VPS53: variants seen among roughly 807,000 people sequenced by gnomAD.
The protein encoded by VPS53 is VPS53 subunit of GARP complex.
VPS53 carries 70 observed loss-of-function variants against 107.0 expected under a neutral mutation model. The ratio of observed to expected loss-of-function variants is 0.65; its 90% CI spans 0.54 to 0.80. VPS53 has a LOEUF of 0.80. VPS53 is among the 30% of genes least tolerant of loss of function. VPS53 has a pLI of 0.00. For missense variants in VPS53, 917 were observed against 1,049.4 expected (o/e 0.87, Z 1.74); for synonymous variants, 409 against 393.3 (o/e 1.04, Z -0.47).
chr17:543,113 T>A (rs1910833496), intron 17 of VPS53, among the ~76,000 whole-genome samples: 1 of 152,238 alleles, frequency 6.6e-6, no homozygotes, highest in African/African-American at 2.4e-5. Flanking sequence ...AGTCATGGCT[T>A]TCTGTGGGCC....
At chr17:598,611 C>A (rs1033594419) in intron 12 of VPS53, among the ~76,000 whole-genome samples, 1 of 148,602 alleles carries the variant, frequency 6.7e-6, no homozygotes, top group African/African-American at 2.5e-5. Context: ...CTCTGCCCTG[C>A]CGCCCCGTCT....
At chr17:617,565 CTAA>C (rs1335398932) in intron 11 of VPS53, among the ~76,000 whole-genome samples, 1 of 152,050 alleles carries the variant, frequency 6.6e-6, no homozygotes, top group East Asian at 1.9e-4. Context: ...CCACGCCCCA[CTAA>C]TATTTCCCGG....
chr17:551,030 G>GT (rs1911770452), intron 17 of VPS53, among the ~76,000 whole-genome samples: 1 of 152,008 alleles, frequency 6.6e-6, no homozygotes, highest in East Asian at 1.9e-4. Context: ...CCACACCAAG[G>GT]TTTTTAGCAT....
intron 13 of VPS53, among the ~76,000 whole-genome samples, chr17:572,317 G>A (rs1597321722): frequency 2.1e-5 from 3 of 145,050 alleles, no homozygotes; most frequent in East Asian, 2.0e-4. Context: ...CAACCGCCCC[G>A]TCTGAGAAGT....
Position 517,309 on chromosome 17 carries a change from G to C in VPS53, c.*1819C>G. 2.5e-6 allele frequency: 1 copy of C among 396,166 alleles called. No individual in the cohort carries two copies. Among genetic ancestry groups the C allele is most frequent in the Non-Finnish European group, 4.4e-6 (1 of 224,732 alleles). The allele number at this position is 396,166 out of a possible 1,614,324, so 24.5% of individuals were successfully genotyped here. On this transcript the variant is annotated 3_prime_UTR_variant, in exon 22 of 22. Transcript: ENST00000437048. ...GCGTGAGAGTCAAACCAGCTAGCAA[G>C]GACAGCCTGGAAGCCGATGAAGAAA...
chr17:670,679 T>A (rs1233015558), intron 4 of VPS53, among the ~76,000 whole-genome samples: 1 of 152,244 alleles, frequency 6.6e-6, no homozygotes, highest in East Asian at 1.9e-4. Context: ...CAGAGAATGA[T>A]GCTGCCTTTA....
At chr17:546,603 T>C (rs989754055) in intron 17 of VPS53, among the ~76,000 whole-genome samples, 2 of 152,082 alleles carry the variant, frequency 1.3e-5, no homozygotes, top group Admixed American at 6.5e-5. Flanking sequence ...GCCAGTAGCA[T>C]CTGAGAAGGT....
intron 14 of VPS53, among the ~76,000 whole-genome samples, chr17:561,028 G>A (rs1400582547): frequency 6.6e-6 from 1 of 152,112 alleles, no homozygotes; most frequent in African/African-American, 2.4e-5. Context: ...GAACTCATGT[G>A]TGTTTGTGGA....
At chr17:677,386 A>G (rs1972211636) in intron 4 of VPS53, among the ~76,000 whole-genome samples, 1 of 152,238 alleles carries the variant, frequency 6.6e-6, no homozygotes, top group Non-Finnish European at 1.5e-5. Flanking sequence ...ATATTAATAT[A>G]AAGTTCCCAG....
chr17:702,271 T>C (rs552833898), intron 2 of VPS53, among the ~76,000 whole-genome samples: 8 of 152,250 alleles, frequency 5.3e-5, no homozygotes, highest in African/African-American at 1.9e-4. Flanking sequence ...AGAAGACTGA[T>C]TGAGTCTGTA....
Position 601,542 on chromosome 17 carries a change from C to G in VPS53, c.1218+253G>C, listed in dbSNP as rs550881308. On this transcript the variant is annotated intron_variant, in intron 12 of 21. Transcript: ENST00000437048. ...AGGCAGAGCAGAACTCTCCTGGCCC[C>G]ACCACAGTGGCTAATGAAGCTTGTG... is the stretch of plus-strand genomic sequence containing the variant. 2.1e-3 allele frequency among the ~76,000 whole-genome samples: 326 copies of G among 152,332 alleles called. 2 individuals are homozygous for G. Among genetic ancestry groups the G allele is most frequent in the African/African-American group, 7.5e-3 (312 of 41,574 alleles).
intron 19 of VPS53, among the ~76,000 whole-genome samples, chr17:531,051 A>G (rs1909498762): frequency 6.6e-6 from 1 of 152,224 alleles, no homozygotes; most frequent in South Asian, 2.1e-4. Flanking sequence ...CCACTACTGG[A>G]GGCAGCGTCT....
intron 19 of VPS53, among the ~76,000 whole-genome samples, chr17:522,072 G>A (rs913196765): frequency 1.3e-5 from 2 of 152,178 alleles, no homozygotes; most frequent in East Asian, 3.9e-4. Flanking sequence ...TGGGCAACAT[G>A]GCAAAACCCC....
chr17:563,282 A>G (rs1405744770), intron 13 of VPS53, among the ~76,000 whole-genome samples: 3 of 128,756 alleles, frequency 2.3e-5, no homozygotes, highest in Non-Finnish European at 4.9e-5. Context: ...ACTGAACTTC[A>G]TTTCCTTTTT....
At chr17:672,063 C>G (rs946774190) in intron 4 of VPS53, among the ~76,000 whole-genome samples, 6 of 147,970 alleles carry the variant, frequency 4.1e-5, no homozygotes, top group African/African-American at 1.2e-4. Context: ...AGCTAGGTTC[C>G]CCAGGAAGGG....
At chr17:609,250 A>G (rs1484186601) in intron 11 of VPS53, among the ~76,000 whole-genome samples, 1 of 152,170 alleles carries the variant, frequency 6.6e-6, no homozygotes, top group Non-Finnish European at 1.5e-5. Flanking sequence ...GAATCATATA[A>G]TGTGTGACAT....
chr17:530,620 TCAA>T (rs1377266192), intron 19 of VPS53, among the ~76,000 whole-genome samples: 3 of 152,358 alleles, frequency 2.0e-5, no homozygotes, highest in Admixed American at 6.5e-5. Flanking sequence ...AGCCAGGACT[TCAA>T]CAACAACGTG....
chr17:545,657 A>C (rs749894087), intron 17 of VPS53, among the ~76,000 whole-genome samples: 53 of 152,076 alleles, frequency 3.5e-4, no homozygotes, highest in Non-Finnish European at 6.5e-4. Flanking sequence ...CTCCCTCTTT[A>C]CCTTCAAAGT....
At chr17:644,306 TAC>T (rs907776070) in intron 7 of VPS53, among the ~76,000 whole-genome samples, 2 of 152,206 alleles carry the variant, frequency 1.3e-5, no homozygotes, top group Non-Finnish European at 2.9e-5. Context: ...TTCTACACTT[TAC>T]AGACAGCAAG....
Sources: gnomAD v4.1 joint callset for allele counts (sites outside exome capture counted in the v4.1 genomes callset) on GRCh38, gnomAD v4.1.1 for gene constraint, MANE v1.5 for transcripts, NCBI Gene and HGNC (gene_info 2026-07-23, HGNC 2026-07-21) for gene names.